Variants in GRID2 observed in about 807,000 individuals in gnomAD.
GRID2 encodes glutamate ionotropic receptor delta type subunit 2, also known as glutamate receptor ionotropic, delta-2.
GRID2 carries 33 observed loss-of-function variants against 114.8 expected under a neutral mutation model. The ratio of observed to expected loss-of-function variants is 0.29; its 90% CI spans 0.22 to 0.38. GRID2 has a LOEUF of 0.38. GRID2 is among the 10% of genes least tolerant of loss of function. The pLI is 1.00. For missense variants in GRID2, 1,184 were observed against 1,257.7 expected, an observed-to-expected ratio of 0.94 and a Z score of 0.89; for synonymous variants, 505 against 449.9, an observed-to-expected ratio of 1.12 and a Z score of -1.55.
intron 12 of GRID2, among the ~76,000 whole-genome samples, chr4:93,510,119 GCCTATCCTA>G (rs1729019479): frequency 6.6e-6 from 1 of 152,122 alleles, no homozygotes; most frequent in Non-Finnish European, 1.5e-5. Flanking sequence ...AGCATCTGGT[GCCTATCCTA>G]TCAGCCACGT....
chr4:92,704,701 A>ATCAATCTCTCTCTCTCTCTCTTTCTC (rs1553918654), intron 2 of GRID2, among the ~76,000 whole-genome samples: 12 of 113,704 alleles, frequency 1.1e-4, no homozygotes, highest in African/African-American at 3.6e-4. Flanking sequence ...CAATCAATCA[A>ATCAATCTCTCTCTCTCTCTCTTTCTC]TCTCTCTCTC....
exon 2 of GRID2, chr4:93,809,906 G>A (rs1003245502): frequency 6.6e-6 from 1 of 152,238 alleles, no homozygotes; most frequent in Non-Finnish European, 1.5e-5. Context: ...GAGACTCAGA[G>A]TACCCGCCAC....
chr4:93,788,044 C>A (rs1333811954), intron 1 of GRID2, among the ~76,000 whole-genome samples: 1 of 152,072 alleles, frequency 6.6e-6, no homozygotes, highest in East Asian at 1.9e-4. Flanking sequence ...AGGCTGGGCG[C>A]GGTGGCTCAC....
At chr4:93,747,694 T>G (rs1322559417) in intron 14 of GRID2, among the ~76,000 whole-genome samples, 1 of 152,150 alleles carries the variant, frequency 6.6e-6, no homozygotes, top group Non-Finnish European at 1.5e-5. Flanking sequence ...AAAATGTTTT[T>G]AGTCATTCAG....
chr4:92,340,174 G>A (rs1225851261), intron 1 of GRID2, among the ~76,000 whole-genome samples: 1 of 152,030 alleles, frequency 6.6e-6, no homozygotes, highest in Non-Finnish European at 1.5e-5. Flanking sequence ...TTTAAAAGTG[G>A]TATCTCCTTT....
At chr4:92,990,208 G>C (rs1350853599) in intron 2 of GRID2, among the ~76,000 whole-genome samples, 3 of 52,234 alleles carry the variant, frequency 5.7e-5, no homozygotes, top group Admixed American at 3.7e-4. Context: ...CTGTGTGTGT[G>C]TGTGTGTGTG....
At chr4:93,208,832 A>G (rs760959618) in intron 5 of GRID2, among the ~76,000 whole-genome samples, 1 of 152,010 alleles carries the variant, frequency 6.6e-6, no homozygotes, top group Non-Finnish European at 1.5e-5. Context: ...CTGCTTTTCA[A>G]TAAAGTTCTG....
chr4:93,450,607 T>C (rs1722597315), intron 10 of GRID2, among the ~76,000 whole-genome samples: 1 of 151,896 alleles, frequency 6.6e-6, no homozygotes, highest in African/African-American at 2.4e-5. Flanking sequence ...ATTATATTGC[T>C]TATTAGTCAT....
chr4:93,470,668 A>G (rs1724715628), intron 11 of GRID2, among the ~76,000 whole-genome samples: 1 of 152,078 alleles, frequency 6.6e-6, no homozygotes, highest in Non-Finnish European at 1.5e-5. Flanking sequence ...TTAGGGGACG[A>G]TCTCTCCCTG....
chr4:92,657,987 A>G (rs933084065), intron 2 of GRID2, among the ~76,000 whole-genome samples: 1 of 151,840 alleles, frequency 6.6e-6, no homozygotes, highest in Non-Finnish European at 1.5e-5. Context: ...CCCAATGACT[A>G]TGGACTTTGC....
At chr4:93,626,204 G>C in intron 13 of GRID2, 65 bp from the exon 14 acceptor site, 1 of 799,418 alleles carries the variant, frequency 1.3e-6, no homozygotes. Context: ...TTTTCATCCT[G>C]TCTATGTAAA....
At chr4:93,327,253 C>A (rs1418772459) in intron 8 of GRID2, among the ~76,000 whole-genome samples, 1 of 152,150 alleles carries the variant, frequency 6.6e-6, no homozygotes, top group African/African-American at 2.4e-5. Context: ...GATATTCCTT[C>A]CTAGAAGTTT....
At chr4:92,792,997 A>G (rs1739669587) in intron 2 of GRID2, among the ~76,000 whole-genome samples, 1 of 150,182 alleles carries the variant, frequency 6.7e-6, no homozygotes, top group Admixed American at 6.7e-5. Flanking sequence ...CTCCTACATT[A>G]CCTTCTTAGA....
intron 2 of GRID2, among the ~76,000 whole-genome samples, chr4:92,690,038 T>C (rs1430242776): frequency 6.6e-6 from 1 of 152,074 alleles, no homozygotes; most frequent in East Asian, 1.9e-4. Context: ...TTTCTTACTA[T>C]TCATATGTTT....
intron 13 of GRID2, among the ~76,000 whole-genome samples, chr4:93,519,829 T>G (rs918780070): frequency 1.3e-5 from 2 of 152,074 alleles, no homozygotes; most frequent in African/African-American, 4.8e-5. Context: ...ATAGCATTAA[T>G]GTATAGGCTG....
intron 2 of GRID2, among the ~76,000 whole-genome samples, chr4:92,854,022 G>A (rs1018176369): frequency 6.6e-5 from 10 of 150,864 alleles, no homozygotes; most frequent in Non-Finnish European, 1.3e-4. Context: ...AAAAAGATGA[G>A]AACTGTGAAC....
chr4:93,760,240 T>A (rs1043211532), intron 14 of GRID2, among the ~76,000 whole-genome samples: 2 of 152,204 alleles, frequency 1.3e-5, no homozygotes, highest in Non-Finnish European at 2.9e-5. Context: ...TGCAGCATCA[T>A]GCATGTGTTT....
chr4:93,660,898 G>T (rs1723430820), intron 14 of GRID2, among the ~76,000 whole-genome samples: 1 of 152,004 alleles, frequency 6.6e-6, no homozygotes, highest in South Asian at 2.1e-4. Context: ...ATCTTACACT[G>T]AGACTGTTAG....
rs143143445 is a variant in GRID2, at chr4:93,152,725, A to C, written c.735+41772A>C. ...ATTCTGATAGATGAACTGTTACTTC[A>C]AAGCTAGCAGTAATAAAGTCTAATC... is the stretch of plus-strand genomic sequence containing the variant. On this transcript the variant is annotated intron_variant, in intron 4 of 15. Coordinates refer to ENST00000282020, the MANE Select transcript of GRID2 (RefSeq NM_001510.4). 3.8e-3 allele frequency among the ~76,000 whole-genome samples: 586 copies of C among 152,260 alleles called. 9 individuals are homozygous for C. Among genetic ancestry groups the C allele is most frequent in the African/African-American group, 0.014 (565 of 41,568 alleles).
Sources: allele counts gnomAD v4.1 joint callset (sites outside exome capture counted in the v4.1 genomes callset), GRCh38; gene constraint gnomAD v4.1.1; transcripts MANE v1.5; gene names NCBI Gene and HGNC (gene_info 2026-07-23, HGNC 2026-07-21).